Variants in TGFA observed in about 807,000 individuals in gnomAD.
The protein encoded by TGFA is protransforming growth factor alpha.
Under a neutral mutation model 21.7 loss-of-function variants are expected in TGFA, and 12 were observed. That is an observed-to-expected ratio of 0.55 (90% confidence interval 0.35 to 0.90). The LOEUF (loss-of-function observed/expected upper bound fraction) is 0.90. Ranked by LOEUF, TGFA falls within the 40% of genes least tolerant of loss-of-function variation. The pLI, the probability that TGFA is intolerant of heterozygous loss-of-function variation, is 0.01. For synonymous variants in TGFA, 79 were observed against 88.1 expected (o/e 0.90, Z 0.58); for missense variants, 178 against 210.8 (o/e 0.84, Z 0.96).
In TGFA at chr2:70,458,414, C is replaced by A. The variant is rs373831569; in HGVS notation, c.216-1926G>T. On this transcript the variant is annotated intron_variant, in intron 3 of 5. Coordinates refer to ENST00000295400, the MANE Select transcript of TGFA (RefSeq NM_003236.4). ...TCCTCTGTGATATCTAGCCCTCTCT[C>A]CTGCAGGGCCCTAATCCACCCCTGT... Among the ~76,000 whole-genome samples the A allele has an allele frequency of 9.9e-5, 15 of 152,274 alleles. No homozygotes were observed. The South Asian group carries it at 2.7e-3, about 27-fold the overall frequency.
chr2:70,480,591 T>G (rs1399914274), intron 2 of TGFA, among the ~76,000 whole-genome samples: 1 of 152,168 alleles, frequency 6.6e-6, no homozygotes, highest in African/African-American at 2.4e-5. Context: ...TTCTACATTA[T>G]ATGCCCACAT....
At chr2:70,474,472 G>T (rs782557331) in intron 2 of TGFA, among the ~76,000 whole-genome samples, 2 of 152,232 alleles carry the variant, frequency 1.3e-5, no homozygotes, top group African/African-American at 2.4e-5. Flanking sequence ...TAATCAGAAA[G>T]GGGCACTTTC....
chr2:70,507,520 C>T (rs1671963565), intron 2 of TGFA, among the ~76,000 whole-genome samples: 1 of 152,238 alleles, frequency 6.6e-6, no homozygotes, highest in African/African-American at 2.4e-5. Flanking sequence ...GCCTATCTGT[C>T]TACCTGTTCC....
intron 1 of TGFA, among the ~76,000 whole-genome samples, chr2:70,543,954 T>C (rs1407567303): frequency 6.6e-6 from 1 of 151,842 alleles, no homozygotes; most frequent in Non-Finnish European, 1.5e-5. Flanking sequence ...CCAAGAAGAG[T>C]TTATTTCAAG....
chr2:70,520,107 C>T (rs1317669669), intron 1 of TGFA, among the ~76,000 whole-genome samples: 2 of 152,208 alleles, frequency 1.3e-5, no homozygotes, highest in Admixed American at 6.5e-5. Flanking sequence ...GAACACAGCA[C>T]TTGATGGGGC....
At chr2:70,503,805 C>A (rs548341033) in intron 2 of TGFA, among the ~76,000 whole-genome samples, 80 of 152,290 alleles carry the variant, frequency 5.3e-4, no homozygotes, top group African/African-American at 1.7e-3. Flanking sequence ...TTGCTCTGAC[C>A]TAGAGGCCCC....
rs1362469601 is a variant in TGFA, at chr2:70,449,793, G to T, written c.*1066C>A. The stretch of plus-strand genomic sequence containing the variant: ...ATGGATTTGGCCTGAAATGCCTATG[G>T]CTCGTGGCTAATGTTCTATTTCTAA... On this transcript the variant is annotated 3_prime_UTR_variant, in exon 6 of 6. Coordinates refer to ENST00000295400, the MANE Select transcript of TGFA (RefSeq NM_003236.4). 1 of 193,916 alleles carries T rather than the reference G, an allele frequency of 5.2e-6. No homozygotes were observed. The highest frequency in any genetic ancestry group is 1.1e-5 in the Non-Finnish European group (1 of 91,346). 12.0% of individuals were successfully genotyped at this position (193,916 alleles called of 1,614,324 possible). A position where few individuals can be genotyped will look rare whatever the true frequency, so the allele number is the denominator to read the frequency against.
intron 1 of TGFA, among the ~76,000 whole-genome samples, chr2:70,525,884 G>A (rs532455318): frequency 2.3e-4 from 35 of 152,220 alleles, no homozygotes; most frequent in South Asian, 1.5e-3. Context: ...GTGGGGCCGC[G>A]GATGCTAAGT....
chr2:70,504,473 C>CATATATATATATAT (rs376988843), intron 2 of TGFA, among the ~76,000 whole-genome samples: 8 of 78,816 alleles, frequency 1.0e-4, no homozygotes, highest in Admixed American at 9.0e-4. Flanking sequence ...TACACACATA[C>CATATATATATATAT]ATACATACAT....
chr2:70,471,707 G>A (rs1553493335), intron 2 of TGFA, among the ~76,000 whole-genome samples: 1 of 152,174 alleles, frequency 6.6e-6, no homozygotes, highest in Non-Finnish European at 1.5e-5. Flanking sequence ...AGTGCTGGGG[G>A]CTTTCCTTAC....
intron 2 of TGFA, among the ~76,000 whole-genome samples, chr2:70,471,320 G>A (rs1262227036): frequency 6.6e-6 from 1 of 152,144 alleles, no homozygotes; most frequent in Non-Finnish European, 1.5e-5. Flanking sequence ...TGAGACCTAA[G>A]TGGACAGGGA....
At chr2:70,512,790 T>C (rs1553501114) in intron 2 of TGFA, among the ~76,000 whole-genome samples, 1 of 152,186 alleles carries the variant, frequency 6.6e-6, no homozygotes, top group Non-Finnish European at 1.5e-5. Context: ...GGATGGAGAC[T>C]TGGAGGAGGG....
chr2:70,534,572 C>A (rs1281210755), intron 1 of TGFA, among the ~76,000 whole-genome samples: 3 of 152,144 alleles, frequency 2.0e-5, no homozygotes, highest in Non-Finnish European at 4.4e-5. Flanking sequence ...CAAGCCCCCA[C>A]CAATGAATTT....
chr2:70,514,870 G>A lies in TGFA; in HGVS notation c.83C>T (p.Ser28Phe). ...GCAGCTGCACTCACCACTCAGCGGG[G>A]ACGTGCTGTTCTCCAAGGCCTGGCA... ...AACQALENST[S>F]PLSADPPVAA... The change falls in exon 2 of 6, where the codon TCC becomes TTC. Residue 28 changes from serine to phenylalanine, a missense_variant. By Grantham distance (155) the Ser-to-Phe change is radical. Coordinates refer to ENST00000295400, the MANE Select transcript of TGFA (RefSeq NM_003236.4). The A allele has an allele frequency of 1.2e-6, 2 of 1,614,036 alleles. No homozygotes were observed. Among genetic ancestry groups the A allele is most frequent in the Non-Finnish European group, 1.7e-6 (2 of 1,179,986 alleles).
intron 2 of TGFA, among the ~76,000 whole-genome samples, chr2:70,511,183 A>G (rs1672087389): frequency 6.6e-6 from 1 of 152,164 alleles, no homozygotes; most frequent in Non-Finnish European, 1.5e-5. Flanking sequence ...CCTATCTTGC[A>G]TCCGTTATTA....
chr2:70,530,409 G>A (rs1672780258), intron 1 of TGFA, among the ~76,000 whole-genome samples: 1 of 152,226 alleles, frequency 6.6e-6, no homozygotes, highest in South Asian at 2.1e-4. Context: ...AGGCAGTGGT[G>A]TCCAATCTTT....
chr2:70,506,420 C>T (rs572314234), intron 2 of TGFA, among the ~76,000 whole-genome samples: 1 of 152,310 alleles, frequency 6.6e-6, no homozygotes, highest in South Asian at 2.1e-4. Flanking sequence ...ACTAAAAATG[C>T]AGATTTCTGG....
intron 2 of TGFA, among the ~76,000 whole-genome samples, chr2:70,470,741 G>C (rs1670716925): frequency 6.6e-6 from 1 of 152,200 alleles, no homozygotes; most frequent in South Asian, 2.1e-4. Flanking sequence ...CTGAGGCTTA[G>C]AGTGCAAGTT....
At chr2:70,537,050 C>G (rs114985293) in intron 1 of TGFA, among the ~76,000 whole-genome samples, 1 of 149,136 alleles carries the variant, frequency 6.7e-6, no homozygotes, top group Admixed American at 6.7e-5. Context: ...CAACAGCAAG[C>G]GCTCACTTCG....
Sources: allele counts gnomAD v4.1 joint callset (sites outside exome capture counted in the v4.1 genomes callset), GRCh38; gene constraint gnomAD v4.1.1; transcripts MANE v1.5; gene names NCBI Gene and HGNC (gene_info 2026-07-23, HGNC 2026-07-21).